The following LRRTM4 variants were observed in gnomAD, a reference collection of about 807,000 sequenced individuals.
LRRTM4 encodes the protein leucine rich repeat transmembrane neuronal 4, also known as leucine-rich repeat transmembrane neuronal protein 4.
LRRTM4 carries 25 observed loss-of-function variants against 47.6 expected under a neutral mutation model. That is an observed-to-expected ratio of 0.53 (90% CI 0.38 to 0.73). LRRTM4 has a LOEUF of 0.73. Ranked by LOEUF, LRRTM4 falls within the 30% of genes least tolerant of loss-of-function variation. The pLI, the probability that LRRTM4 is intolerant of heterozygous loss-of-function variation, is 0.00. For synonymous variants in LRRTM4, 311 were observed against 269.5 expected (o/e 1.15, Z -1.51); for missense variants, 638 against 713.4 (o/e 0.89, Z 1.20).
chr2:77,051,981 A>G (rs986613741), intron 3 of LRRTM4, among the ~76,000 whole-genome samples: 1 of 151,714 alleles, frequency 6.6e-6, no homozygotes, highest in East Asian at 1.9e-4. Flanking sequence ...GAGATCCAGC[A>G]GTAATTTATG....
At chr2:76,853,059 G>A (rs1265932508) in intron 3 of LRRTM4, among the ~76,000 whole-genome samples, 3 of 152,102 alleles carry the variant, frequency 2.0e-5, no homozygotes, top group African/African-American at 7.2e-5. Context: ...TTATAACTTG[G>A]TACCTGTCAA....
intron 3 of LRRTM4, among the ~76,000 whole-genome samples, chr2:76,899,539 C>A (rs1405244959): frequency 6.6e-6 from 1 of 151,984 alleles, no homozygotes; most frequent in East Asian, 1.9e-4. Context: ...AGAAGATATC[C>A]TACATGAAGG....
chr2:76,976,796 C>G (rs552483275), intron 3 of LRRTM4, among the ~76,000 whole-genome samples: 41 of 151,856 alleles, frequency 2.7e-4, no homozygotes, highest in African/African-American at 9.2e-4. Flanking sequence ...ATACGGTTAA[C>G]AGTAATTTGG....
At chr2:77,383,573 G>A (rs1673144032) in intron 3 of LRRTM4, among the ~76,000 whole-genome samples, 1 of 151,968 alleles carries the variant, frequency 6.6e-6, no homozygotes, top group African/African-American at 2.4e-5. Context: ...TTAATACAAA[G>A]TAAATATGAT....
intron 3 of LRRTM4, among the ~76,000 whole-genome samples, chr2:76,939,018 T>G (rs1473006753): frequency 6.6e-6 from 1 of 152,114 alleles, no homozygotes; most frequent in African/African-American, 2.4e-5. Flanking sequence ...AGATTATGAA[T>G]AAGTTAGGGG....
At chr2:77,469,868 G>A (rs1422476079) in intron 3 of LRRTM4, among the ~76,000 whole-genome samples, 1 of 151,766 alleles carries the variant, frequency 6.6e-6, no homozygotes, top group Non-Finnish European at 1.5e-5. Flanking sequence ...AGATCCTAAG[G>A]GCATATGAGG....
intron 3 of LRRTM4, among the ~76,000 whole-genome samples, chr2:77,483,037 C>T (rs569489936): frequency 1.3e-3 from 182 of 136,892 alleles, no homozygotes; most frequent in African/African-American, 4.6e-3. Context: ...AGGAGAATTG[C>T]TTGAACCTGA....
intron 3 of LRRTM4, among the ~76,000 whole-genome samples, chr2:77,211,668 C>A (rs1290345456): frequency 6.6e-6 from 1 of 152,012 alleles, no homozygotes; most frequent in Non-Finnish European, 1.5e-5. Flanking sequence ...TAGGTAAATT[C>A]ATTCATTTTT....
chr2:76,938,257 C>A (rs188438862), intron 3 of LRRTM4, among the ~76,000 whole-genome samples: 11 of 152,134 alleles, frequency 7.2e-5, no homozygotes, highest in Admixed American at 7.2e-4. Flanking sequence ...TTGAGTTAAT[C>A]AAAAATGCAT....
chr2:77,479,042 G>A (rs1677547597), intron 3 of LRRTM4, among the ~76,000 whole-genome samples: 1 of 151,988 alleles, frequency 6.6e-6, no homozygotes, highest in Non-Finnish European at 1.5e-5. Context: ...TTATAGGCAT[G>A]TGCCACCATG....
chr2:77,121,799 T>A (rs922616296), intron 3 of LRRTM4, among the ~76,000 whole-genome samples: 1 of 151,848 alleles, frequency 6.6e-6, no homozygotes, highest in African/African-American at 2.4e-5. Context: ...TATTTAAGGT[T>A]ACCGTCTTTT....
At chr2:77,342,307 G>A (rs957635956) in intron 3 of LRRTM4, among the ~76,000 whole-genome samples, 12 of 151,898 alleles carry the variant, frequency 7.9e-5, no homozygotes, top group African/African-American at 2.9e-4. Flanking sequence ...GATATTTTGG[G>A]TTATTACAAC....
intron 3 of LRRTM4, among the ~76,000 whole-genome samples, chr2:76,779,853 G>A (rs1407083362): frequency 2.0e-5 from 3 of 152,082 alleles, no homozygotes; most frequent in African/African-American, 7.2e-5. Context: ...TTTCTTCCTA[G>A]TCTTGATGGT....
At chr2:76,890,685 A>C (rs1181004106) in intron 3 of LRRTM4, among the ~76,000 whole-genome samples, 1 of 152,020 alleles carries the variant, frequency 6.6e-6, no homozygotes, top group East Asian at 1.9e-4. Flanking sequence ...GCAGCCAACT[A>C]AACTTTCCAA....
chr2:76,864,637 G>A (rs1352975391), intron 3 of LRRTM4, among the ~76,000 whole-genome samples: 3 of 148,988 alleles, frequency 2.0e-5, no homozygotes. Context: ...TCCAGCCTGG[G>A]CAACAAGAGT....
chr2:77,478,333 A>G (rs1315822388), intron 3 of LRRTM4, among the ~76,000 whole-genome samples: 1 of 152,188 alleles, frequency 6.6e-6, no homozygotes, highest in African/African-American at 2.4e-5. Context: ...ACCTAAGCAA[A>G]TATTAAGACG....
At chr2:77,429,190 G>A (rs925509925) in intron 3 of LRRTM4, among the ~76,000 whole-genome samples, 1 of 152,034 alleles carries the variant, frequency 6.6e-6, no homozygotes, top group African/African-American at 2.4e-5. Context: ...GCTCCAATGT[G>A]GGCAAGTGTG....
intron 3 of LRRTM4, among the ~76,000 whole-genome samples, chr2:77,218,482 T>G (rs1424270892): frequency 4.6e-5 from 7 of 151,678 alleles, no homozygotes; most frequent in African/African-American, 1.7e-4. Flanking sequence ...TAATGCCATA[T>G]ACTTCCACTC....
chr2:77,159,206 A>G (rs575640987), intron 3 of LRRTM4, among the ~76,000 whole-genome samples: 5 of 152,300 alleles, frequency 3.3e-5, no homozygotes, highest in African/African-American at 4.8e-5. Context: ...TCAAAAATCC[A>G]TGAATAAATT....
Sources: allele counts gnomAD v4.1 joint callset (sites outside exome capture counted in the v4.1 genomes callset), GRCh38; gene constraint gnomAD v4.1.1; transcripts MANE v1.5; gene names NCBI Gene and HGNC (gene_info 2026-07-23, HGNC 2026-07-21).